CEP128: variants seen among roughly 807,000 people sequenced by gnomAD.
CEP128 encodes the protein centrosomal protein 128kDa.
Under a neutral mutation model 156.7 loss-of-function variants are expected in CEP128, and 132 were observed. The observed-to-expected ratio is 0.84, with a 90% CI of 0.73 to 0.97. CEP128 has a LOEUF of 0.97. Ranked by LOEUF, CEP128 falls within the 50% of genes least tolerant of loss-of-function variation. The pLI is 0.00. For synonymous variants in CEP128, 469 were observed against 448.9 expected, an observed-to-expected ratio of 1.04 and a Z score of -0.57; for missense variants, 1,252 against 1,281.9, an observed-to-expected ratio of 0.98 and a Z score of 0.36.
chr14:80,763,870 T>G (rs1349879781), intron 16 of CEP128, among the ~76,000 whole-genome samples: 4 of 152,156 alleles, frequency 2.6e-5, no homozygotes, highest in African/African-American at 4.8e-5. Flanking sequence ...CTAGGAGGTT[T>G]CTCCCCACAC....
At chr14:80,483,843 G>A (rs1036754080) in intron 14 of CEP128, among the ~76,000 whole-genome samples, 8 of 152,118 alleles carry the variant, frequency 5.3e-5, no homozygotes, top group Non-Finnish European at 8.8e-5. Context: ...CTGCTTTCTA[G>A]GTACCATTAG....
At chr14:80,705,494 GT>G (rs1388872786) in intron 19 of CEP128, among the ~76,000 whole-genome samples, 14 of 152,088 alleles carry the variant, frequency 9.2e-5, no homozygotes, top group African/African-American at 2.2e-4. Context: ...TTACAAACAT[GT>G]GAAAATCTTC....
At chr14:80,947,909 C>A (rs1436216091) in intron 2 of CEP128, among the ~76,000 whole-genome samples, 5 of 152,218 alleles carry the variant, frequency 3.3e-5, no homozygotes, top group Non-Finnish European at 7.3e-5. Context: ...CAAATGTAGC[C>A]TGCATTGTTC....
intron 21 of CEP128, among the ~76,000 whole-genome samples, chr14:80,537,112 T>G (rs1198467126): frequency 6.6e-6 from 1 of 152,150 alleles, no homozygotes; most frequent in Admixed American, 6.5e-5. Context: ...AGGTAACATA[T>G]CTTCACTGAA....
In CEP128 at chr14:80,645,247, C is replaced by A. The variant is rs192419277; in HGVS notation, c.2807-64824G>T. On this transcript the variant is annotated intron_variant, in intron 19 of 24. Coordinates refer to ENST00000555265, the MANE Select transcript of CEP128 (RefSeq NM_152446.5). ...TGCCAAATGGTTTTACTTTTTAAAACAGTTTTCATTTCAAAACATAATCAC... is the reference window on the plus strand; with the variant it reads ...TGCCAAATGGTTTTACTTTTTAAAAAAGTTTTCATTTCAAAACATAATCAC... 9.4e-4 allele frequency among the ~76,000 whole-genome samples: 143 copies of A among 152,162 alleles called. 1 individual carries two copies. Among genetic ancestry groups the A allele is most frequent in the African/African-American group, 3.3e-3 (136 of 41,544 alleles).
intron 23 of CEP128, among the ~76,000 whole-genome samples, chr14:80,517,483 A>G (rs893462738): frequency 6.6e-6 from 1 of 152,196 alleles, no homozygotes; most frequent in East Asian, 1.9e-4. Flanking sequence ...TGACATATCC[A>G]TGGATTATTT....
In CEP128 at chr14:80,877,915, A is replaced by C. The variant is rs190215555; in HGVS notation, c.646-15042T>G. Among the ~76,000 whole-genome samples the C allele has an allele frequency of 3.3e-5, 5 of 151,872 alleles. No individual in the cohort carries two copies. In the East Asian group the frequency reaches 9.7e-4, roughly 30 times the overall value. On this transcript the variant is annotated intron_variant, in intron 8 of 24. Coordinates refer to ENST00000555265, the MANE Select transcript of CEP128 (RefSeq NM_152446.5). ...ACCTCAGGCCTCTGGCCTACTGGAGAATTTATGCCTCTGGAGCCAGAGCAG... is the reference window on the plus strand; with the variant it reads ...ACCTCAGGCCTCTGGCCTACTGGAGCATTTATGCCTCTGGAGCCAGAGCAG...
chr14:80,709,985 A>T (rs939750464), intron 19 of CEP128, among the ~76,000 whole-genome samples: 4 of 149,384 alleles, frequency 2.7e-5, no homozygotes, highest in Non-Finnish European at 5.9e-5. Context: ...CCAAAAAAGG[A>T]ATTGTCTTAA....
At chr14:80,894,505 T>C (rs1362708547) in intron 8 of CEP128, 2 of 416,284 alleles carry the variant, frequency 4.8e-6, no homozygotes, top group South Asian at 1.8e-5. Flanking sequence ...ACAATGTAAA[T>C]TGAAGGTGCC....
intron 19 of CEP128, among the ~76,000 whole-genome samples, chr14:80,615,638 T>C (rs961347099): frequency 3.3e-5 from 5 of 151,990 alleles, no homozygotes; most frequent in African/African-American, 1.2e-4. Flanking sequence ...TCACCTGAGG[T>C]CGGAGTTCAA....
At chr14:80,826,392 T>C (rs1447836752) in intron 13 of CEP128, among the ~76,000 whole-genome samples, 1 of 152,174 alleles carries the variant, frequency 6.6e-6, no homozygotes, top group East Asian at 1.9e-4. Flanking sequence ...ATTAAGATTT[T>C]AGAAATGAAG....
Position 80,746,586 on chromosome 14 carries a change from A to T in CEP128, c.2614-3319T>A, listed in dbSNP as rs570697262. ...TACTTCACACCATATACAAAAACTA[A>T]TTCAAAAAGGATCACAGATCTAAAT... On this transcript the variant is annotated intron_variant, in intron 18 of 24. Transcript: ENST00000555265. Among the ~76,000 whole-genome samples, 233 of 152,356 alleles carry T rather than the reference A, an allele frequency of 1.5e-3. 1 individual carries two copies. Among genetic ancestry groups the T allele is most frequent in the Admixed American group, 2.7e-3 (41 of 15,308 alleles).
intron 13 of CEP128, among the ~76,000 whole-genome samples, chr14:80,809,916 C>A (rs1884406599): frequency 6.6e-6 from 1 of 151,702 alleles, no homozygotes; most frequent in South Asian, 2.1e-4. Flanking sequence ...ATAAAACTCA[C>A]TGAAAAAGCA....
chr14:80,759,907 GGT>G (rs3037144), intron 17 of CEP128, among the ~76,000 whole-genome samples: 59,697 of 150,120 alleles, frequency 0.4, 12,003 homozygotes, highest in South Asian at 0.51. Context: ...CATATATATA[GGT>G]GTGTGTGTGT....
At chr14:80,719,547 G>T (rs1897736230) in intron 19 of CEP128, among the ~76,000 whole-genome samples, 1 of 152,124 alleles carries the variant, frequency 6.6e-6, no homozygotes, top group Non-Finnish European at 1.5e-5. Flanking sequence ...GACAAGGAAA[G>T]GCCCAGACTA....
At chr14:80,788,544 C>T (rs1310032286) in intron 14 of CEP128, among the ~76,000 whole-genome samples, 1 of 151,994 alleles carries the variant, frequency 6.6e-6, no homozygotes, top group African/African-American at 2.4e-5. Flanking sequence ...TTACTGAAGG[C>T]TGAAATATGT....
chr14:80,936,969 A>T (rs549465688), intron 2 of CEP128, among the ~76,000 whole-genome samples: 1,671 of 150,656 alleles, frequency 0.011, 20 homozygotes, highest in Non-Finnish European at 0.018. Context: ...TAAAAATTTA[A>T]AAAAAAAAAA....
intron 19 of CEP128, among the ~76,000 whole-genome samples, chr14:80,735,111 A>T (rs1898468003): frequency 6.6e-6 from 1 of 151,728 alleles, no homozygotes; most frequent in Admixed American, 6.6e-5. Context: ...TCTGTTTCTT[A>T]TTTTTTTTCC....
At chr14:80,605,951 T>C (rs1405316632) in intron 19 of CEP128, among the ~76,000 whole-genome samples, 2 of 151,894 alleles carry the variant, frequency 1.3e-5, no homozygotes, top group East Asian at 1.9e-4. Context: ...TAAAATATTA[T>C]AGTATAAACT....
Sources: allele counts gnomAD v4.1 joint callset (sites outside exome capture counted in the v4.1 genomes callset), GRCh38; gene constraint gnomAD v4.1.1; transcripts MANE v1.5; gene names NCBI Gene and HGNC (gene_info 2026-07-23, HGNC 2026-07-21).